Variants in GRID2 observed in about 807,000 individuals in gnomAD.
The protein encoded by GRID2 is glutamate receptor ionotropic, delta-2.
Under a neutral mutation model 114.8 loss-of-function variants are expected in GRID2, and 33 were observed. That is an observed-to-expected ratio of 0.29 (90% CI 0.22 to 0.38). The LOEUF (loss-of-function observed/expected upper bound fraction) is 0.38. Among genes scored for constraint, GRID2 ranks in the 10% least tolerant of loss-of-function variants. The pLI is 1.00. For missense variants in GRID2, 1,184 were observed against 1,257.7 expected, an observed-to-expected ratio of 0.94 and a Z score of 0.89; for synonymous variants, 505 against 449.9, an observed-to-expected ratio of 1.12 and a Z score of -1.55.
intron 13 of GRID2, among the ~76,000 whole-genome samples, chr4:93,552,339 T>C (rs567104944): frequency 6.6e-6 from 1 of 152,312 alleles, no homozygotes; most frequent in East Asian, 1.9e-4. Context: ...GCAATAAACA[T>C]ACATGTGCCT....
chr4:93,185,813 T>G (rs1263610424), intron 4 of GRID2, among the ~76,000 whole-genome samples: 1 of 152,202 alleles, frequency 6.6e-6, no homozygotes, highest in Non-Finnish European at 1.5e-5. Flanking sequence ...TTGTTACATA[T>G]GTATACATGT....
chr4:92,329,036 C>T (rs760444967), intron 1 of GRID2, among the ~76,000 whole-genome samples: 3 of 152,002 alleles, frequency 2.0e-5, no homozygotes, highest in Non-Finnish European at 2.9e-5. Context: ...AGAGTTTGCT[C>T]TGTGTGCACG....
At chr4:92,657,822 T>C (rs1006572435) in intron 2 of GRID2, among the ~76,000 whole-genome samples, 1 of 151,796 alleles carries the variant, frequency 6.6e-6, no homozygotes, top group Non-Finnish European at 1.5e-5. Context: ...TTCAGAACAT[T>C]GTCCTTCTAT....
chr4:93,192,747 CAAAAAAAAAAAAA>C (rs775968274), intron 4 of GRID2, among the ~76,000 whole-genome samples: 2 of 43,750 alleles, frequency 4.6e-5, no homozygotes, highest in African/African-American at 8.0e-5. Context: ...AACTCCATCT[CAAAAAAAAAAAAA>C]AAAAAAAAAA....
chr4:93,370,761 G>A (rs1394275021), intron 8 of GRID2, among the ~76,000 whole-genome samples: 1 of 151,822 alleles, frequency 6.6e-6, no homozygotes, highest in African/African-American at 2.4e-5. Flanking sequence ...TGCATCATAT[G>A]CGATCGTGTT....
At chr4:92,788,841 TG>T (rs2149363070) in intron 2 of GRID2, among the ~76,000 whole-genome samples, 1 of 151,906 alleles carries the variant, frequency 6.6e-6, no homozygotes, top group African/African-American at 2.4e-5. Flanking sequence ...TAGTATTTTT[TG>T]TATGTTTTAT....
At chr4:92,770,907 T>C (rs2149352011) in intron 2 of GRID2, among the ~76,000 whole-genome samples, 1 of 152,290 alleles carries the variant, frequency 6.6e-6, no homozygotes, top group South Asian at 2.1e-4. Context: ...ATCGCCATTT[T>C]TTTCATTTTC....
At chr4:93,339,543 T>G (rs1361948260) in intron 8 of GRID2, among the ~76,000 whole-genome samples, 1 of 152,210 alleles carries the variant, frequency 6.6e-6, no homozygotes, top group African/African-American at 2.4e-5. Context: ...GACCATACCT[T>G]GCTTATGGAT....
intron 2 of GRID2, among the ~76,000 whole-genome samples, chr4:92,972,954 T>G (rs1753622336): frequency 6.6e-6 from 1 of 152,206 alleles, no homozygotes; most frequent in Admixed American, 6.5e-5. Flanking sequence ...TTTTTATGGC[T>G]GCATAGTATT....
Position 93,200,323 on chromosome 4 carries a change from T to C in GRID2, c.736-7081T>C, listed in dbSNP as rs189574582. ...GGCTCACGCCTGTAATCCCAGCACTTTGGGAGGCCGAGGCGGGCGGATCAC... is the reference window on the plus strand; with the variant it reads ...GGCTCACGCCTGTAATCCCAGCACTCTGGGAGGCCGAGGCGGGCGGATCAC... On this transcript the variant is annotated intron_variant, in intron 4 of 15. Transcript: ENST00000282020. 3.3e-5 allele frequency among the ~76,000 whole-genome samples: 5 copies of C among 152,222 alleles called. No homozygotes were observed. In the South Asian group the frequency reaches 6.2e-4, roughly 19 times the overall value.
chr4:93,783,560 C>T (rs1031758246), intron 1 of GRID2, among the ~76,000 whole-genome samples: 2 of 152,262 alleles, frequency 1.3e-5, no homozygotes, highest in African/African-American at 2.4e-5. Flanking sequence ...TAAAAACTCA[C>T]AAAAGATGAA....
At chr4:93,157,995 C>T (rs1009452871) in intron 4 of GRID2, among the ~76,000 whole-genome samples, 1 of 151,774 alleles carries the variant, frequency 6.6e-6, no homozygotes, top group Non-Finnish European at 1.5e-5. Flanking sequence ...ACTACAGTTG[C>T]ACATGTAGTG....
intron 13 of GRID2, among the ~76,000 whole-genome samples, chr4:93,597,492 A>C (rs1281289502): frequency 6.6e-6 from 1 of 152,120 alleles, no homozygotes; most frequent in Non-Finnish European, 1.5e-5. Flanking sequence ...TATGTATGAG[A>C]TTGTTTTGCC....
chr4:92,383,990 G>A (rs1017887312), intron 1 of GRID2, among the ~76,000 whole-genome samples: 2 of 151,828 alleles, frequency 1.3e-5, no homozygotes, highest in African/African-American at 4.8e-5. Flanking sequence ...ATATTTAATT[G>A]TCAAAACCTT....
intron 2 of GRID2, among the ~76,000 whole-genome samples, chr4:93,021,969 C>T (rs922466678): frequency 2.6e-5 from 4 of 151,096 alleles, no homozygotes; most frequent in Non-Finnish European, 4.4e-5. Flanking sequence ...TTGGTGCAAA[C>T]ATAATTGCAG....
At chr4:92,510,065 A>T (rs1724168598) in intron 1 of GRID2, among the ~76,000 whole-genome samples, 1 of 151,878 alleles carries the variant, frequency 6.6e-6, no homozygotes, top group Admixed American at 6.6e-5. Flanking sequence ...TTGGGTTGGA[A>T]GGGTTGAGGG....
intron 2 of GRID2, among the ~76,000 whole-genome samples, chr4:92,719,906 A>ATAGG (rs1735732446): frequency 6.6e-6 from 1 of 152,124 alleles, no homozygotes; most frequent in African/African-American, 2.4e-5. Flanking sequence ...CTAGCAATAG[A>ATAGG]TAGGTGTTCT....
intron 2 of GRID2, among the ~76,000 whole-genome samples, chr4:92,927,249 C>G (rs1040881484): frequency 6.6e-6 from 1 of 151,718 alleles, no homozygotes; most frequent in Non-Finnish European, 1.5e-5. Context: ...AGAGTAATAC[C>G]CCTATCTTAG....
intron 1 of GRID2, among the ~76,000 whole-genome samples, chr4:92,401,172 C>T (rs546470612): frequency 3.3e-5 from 5 of 152,216 alleles, no homozygotes; most frequent in African/African-American, 4.8e-5. Flanking sequence ...AATCCAAGGT[C>T]ACAAGGTCAG....
Sources: allele counts gnomAD v4.1 joint callset (sites outside exome capture counted in the v4.1 genomes callset), GRCh38; gene constraint gnomAD v4.1.1; transcripts MANE v1.5; gene names NCBI Gene and HGNC (gene_info 2026-07-23, HGNC 2026-07-21).